Variants in CAMK2A observed in about 807,000 individuals in gnomAD.
CAMK2A encodes the protein calcium/calmodulin dependent protein kinase II alpha.
In CAMK2A, 7 loss-of-function variants were observed where a neutral mutation model predicts 79.2. That is an observed-to-expected ratio of 0.09 (90% CI 0.05 to 0.17). The LOEUF (loss-of-function observed/expected upper bound fraction) is 0.17, where lower values mean the gene tolerates loss of function less well. CAMK2A is among the 10% of genes least tolerant of loss of function. The pLI, the probability that CAMK2A is intolerant of heterozygous loss-of-function variation, is 1.00. For synonymous variants in CAMK2A, 242 were observed against 251.7 expected, an observed-to-expected ratio of 0.96 and a Z score of 0.36; for missense variants, 214 against 646.4, an observed-to-expected ratio of 0.33 and a Z score of 7.25.
intron 3 of CAMK2A, among the ~76,000 whole-genome samples, chr5:150,260,587 G>A (rs1398924086): frequency 6.6e-6 from 1 of 152,206 alleles, no homozygotes; most frequent in Non-Finnish European, 1.5e-5. Context: ...CCCACGTGCT[G>A]GAGTGCGGGA....
chr5:150,237,684 T>C (rs1262116121), intron 15 of CAMK2A, among the ~76,000 whole-genome samples: 1 of 152,236 alleles, frequency 6.6e-6, no homozygotes, highest in Non-Finnish European at 1.5e-5. Flanking sequence ...CTCTGTCCTC[T>C]GTTTCCTCAG....
intron 3 of CAMK2A, among the ~76,000 whole-genome samples, chr5:150,261,974 T>C (rs1756323169): frequency 6.6e-6 from 1 of 152,224 alleles, no homozygotes; most frequent in African/African-American, 2.4e-5. Context: ...AATCACCTAC[T>C]AAACTTTCAG....
chr5:150,282,508 C>A (rs1457812510), intron 1 of CAMK2A, among the ~76,000 whole-genome samples: 1 of 152,228 alleles, frequency 6.6e-6, no homozygotes, highest in East Asian at 1.9e-4. Flanking sequence ...GAGTATACAC[C>A]ACAAAGGCTT....
intron 3 of CAMK2A, among the ~76,000 whole-genome samples, chr5:150,261,244 A>C (rs1419614204): frequency 6.6e-6 from 1 of 152,230 alleles, no homozygotes; most frequent in Non-Finnish European, 1.5e-5. Flanking sequence ...TTTGCAGTGC[A>C]CCACACACGT....
At chr5:150,255,813 T>C (rs72839207) in intron 6 of CAMK2A, among the ~76,000 whole-genome samples, 25,148 of 152,224 alleles carry the variant, frequency 0.17, 2,203 homozygotes, top group East Asian at 0.26. Flanking sequence ...AAGGCCAGAA[T>C]TCCCCCGCCC....
intron 2 of CAMK2A, among the ~76,000 whole-genome samples, chr5:150,272,342 A>C (rs997998717): frequency 1.3e-5 from 2 of 152,224 alleles, no homozygotes; most frequent in African/African-American, 2.4e-5. Flanking sequence ...AGGCAGACAG[A>C]TCATCTGAGG....
chr5:150,251,634 T>G (rs1241458134), intron 9 of CAMK2A, 116 bp downstream of exon 9: 2 of 705,528 alleles, frequency 2.8e-6, no homozygotes, highest in African/African-American at 1.8e-5. Context: ...CCCTGGTCAG[T>G]CTTCATGCTC....
At chr5:150,275,645 A>G (rs1756914320) in intron 1 of CAMK2A, among the ~76,000 whole-genome samples, 1 of 152,194 alleles carries the variant, frequency 6.6e-6, no homozygotes, top group Non-Finnish European at 1.5e-5. Flanking sequence ...GAAAACGCTT[A>G]CTTACATTTA....
intron 13 of CAMK2A, among the ~76,000 whole-genome samples, chr5:150,243,716 T>C (rs1468796949): frequency 6.6e-6 from 1 of 152,202 alleles, no homozygotes; most frequent in East Asian, 1.9e-4. Flanking sequence ...CTTGCTAAGC[T>C]CTCAGGGCGC....
At chr5:150,252,099 C>G (rs1222217845) in intron 7 of CAMK2A, 34 bp from the exon 8 acceptor site, 1 of 1,517,054 alleles carries the variant, frequency 6.6e-7, no homozygotes, top group Admixed American at 1.7e-5. Context: ...CAGACACATA[C>G]ACAGAGGTTG....
intron 6 of CAMK2A, among the ~76,000 whole-genome samples, chr5:150,254,807 G>C (rs893797398): frequency 3.3e-5 from 5 of 152,208 alleles, no homozygotes; most frequent in African/African-American, 1.2e-4. Flanking sequence ...GTGGTGCATG[G>C]ATTAACTGAG....
At chr5:150,233,116 G>A (rs1754915247) in intron 15 of CAMK2A, among the ~76,000 whole-genome samples, 1 of 152,210 alleles carries the variant, frequency 6.6e-6, no homozygotes, top group Non-Finnish European at 1.5e-5. Flanking sequence ...GCGTCCTGGA[G>A]CCTGGAACAG....
chr5:150,221,507 C>A lies in CAMK2A; in HGVS notation c.*1203G>T. On this transcript the variant is annotated 3_prime_UTR_variant, in exon 19 of 19. Transcript: ENST00000671881. Reference sequence around the variant, plus strand: ...ATCCTGGGAAGTTCGGTAGAGAAGACCCCAGTTTGCGAGGGAAGCAAAGAA... The same window carrying A: ...ATCCTGGGAAGTTCGGTAGAGAAGAACCCAGTTTGCGAGGGAAGCAAAGAA... The A allele has an allele frequency of 2.5e-6, 1 of 398,644 alleles. No homozygotes were observed. Among genetic ancestry groups the A allele is most frequent in the Non-Finnish European group, 4.4e-6 (1 of 226,054 alleles). 24.7% of individuals were successfully genotyped at this position (398,644 alleles called of 1,614,324 possible). A position where few individuals can be genotyped will look rare whatever the true frequency, so the allele number is the denominator to read the frequency against.
rs11398735 is a variant in CAMK2A at position 150,219,640 on chromosome 5, G to GAA, written c.*3068_*3069dup. 1.7e-3 allele frequency: 215 copies of GAA among 128,186 alleles called. 3 individuals carry two copies. The highest frequency in any genetic ancestry group is 2.3e-3 in the Non-Finnish European group (148 of 63,184). The allele number at this position is 128,186 out of a possible 1,614,324, so 7.9% of individuals were successfully genotyped here. A position where few individuals can be genotyped will look rare whatever the true frequency, so the allele number is the denominator to read the frequency against. On this transcript the variant is annotated 3_prime_UTR_variant, in exon 19 of 19. Transcript: ENST00000671881. ...AGCCACATATTTTTAAAAAAGAAAA[G>GAA]AAAAAAAAAAAGAACTAAAACAAAA...
In CAMK2A at chr5:150,269,249, C is replaced by T. The variant is rs141675866; in HGVS notation, c.157+3816G>A. Among the ~76,000 whole-genome samples, 560 of 152,242 alleles carry T rather than the reference C, an allele frequency of 3.7e-3. 2 individuals carry two copies. Among genetic ancestry groups the T allele is most frequent in the African/African-American group, 0.013 (534 of 41,530 alleles). ...GCTTCCTCCCCAGATGGTTGGGTCA[C>T]CTCCAGGGTGTGGGGGCTAAGAGCA... On this transcript the variant is annotated intron_variant, in intron 2 of 18. Transcript: ENST00000671881.
chr5:150,219,668 CCAAA>C lies in CAMK2A; in HGVS notation c.*3038_*3041del, dbSNP rs1457196363. 4 of 148,592 alleles carry C rather than the reference CCAAA, an allele frequency of 2.7e-5. No homozygotes were observed. The highest frequency in any genetic ancestry group is 2.0e-4 in the East Asian group (1 of 5,028). The allele number at this position is 148,592 out of a possible 1,614,324, so 9.2% of individuals were successfully genotyped here. On this transcript the variant is annotated 3_prime_UTR_variant, in exon 19 of 19. Transcript: ENST00000671881. Reference sequence around the variant, plus strand: ...AAAAAAAAAGAACTAAAACAAAACCCCAAACAAATAGTAACAAAGAAACCAGCAC... The same window carrying C: ...AAAAAAAAAGAACTAAAACAAAACCCCAAATAGTAACAAAGAAACCAGCAC...
intron 13 of CAMK2A, among the ~76,000 whole-genome samples, chr5:150,241,421 C>T (rs1404606998): frequency 6.8e-6 from 1 of 146,010 alleles, no homozygotes. Context: ...CCTCTCTTCT[C>T]TTCCCCTCCC....
chr5:150,276,283 C>T (rs1285625288), intron 1 of CAMK2A, among the ~76,000 whole-genome samples: 1 of 152,202 alleles, frequency 6.6e-6, no homozygotes, highest in Non-Finnish European at 1.5e-5. Flanking sequence ...TTATTTCTCC[C>T]ACCCTGACAG....
intron 2 of CAMK2A, 39 bp from the exon 3 acceptor site, chr5:150,265,054 G>T (rs369231860): frequency 3.0e-4 from 445 of 1,463,050 alleles, no homozygotes; most frequent in Non-Finnish European, 4.0e-4. Context: ...CGGTGAGGAA[G>T]GAACCATTAC....
Sources: gnomAD v4.1 joint callset for allele counts (sites outside exome capture counted in the v4.1 genomes callset) on GRCh38, gnomAD v4.1.1 for gene constraint, MANE v1.5 for transcripts, NCBI Gene and HGNC (gene_info 2026-07-23, HGNC 2026-07-21) for gene names.